The following MNAT1 variants were observed in gnomAD, a reference collection of about 807,000 sequenced individuals.
The protein encoded by MNAT1 is MNAT1 component of CDK activating kinase.
Under a neutral mutation model 42.0 loss-of-function variants are expected in MNAT1, and 43 were observed. The observed-to-expected ratio is 1.02, with a 90% confidence interval of 0.80 to 1.32. The LOEUF (loss-of-function observed/expected upper bound fraction) is 1.32, where lower values mean the gene tolerates loss of function less well. Ranked by LOEUF, MNAT1 falls within the 40% of genes most tolerant of loss-of-function variation. MNAT1 has a pLI of 0.00. For missense variants in MNAT1, 306 were observed against 350.4 expected (o/e 0.87, Z 1.01); for synonymous variants, 118 against 120.0 (o/e 0.98, Z 0.11).
rs565109707 is a variant in MNAT1, at chr14:60,783,224, T to C, written c.90-12993T>C. ...ATGAGATCTCCTGGTTCTGAAGCTG[T>C]GGGGTTTGGCTAGACCTGTAACATT... On this transcript the variant is annotated intron_variant, in intron 1 of 7. Coordinates refer to ENST00000261245, the MANE Select transcript of MNAT1 (RefSeq NM_002431.4). Among the ~76,000 whole-genome samples, 11 of 152,290 alleles carry C rather than the reference T, an allele frequency of 7.2e-5. 1 individual carries two copies. The highest frequency in any genetic ancestry group is 2.6e-4 in the African/African-American group (11 of 41,572).
At chr14:60,855,901 C>T (rs894698056) in intron 6 of MNAT1, among the ~76,000 whole-genome samples, 20 of 152,160 alleles carry the variant, frequency 1.3e-4, no homozygotes, top group African/African-American at 3.9e-4. Flanking sequence ...ATAAATGTTG[C>T]GTGTGTTCTA....
intron 7 of MNAT1, among the ~76,000 whole-genome samples, chr14:60,908,486 C>A (rs1029483313): frequency 6.6e-6 from 1 of 151,504 alleles, no homozygotes; most frequent in Admixed American, 6.6e-5. Flanking sequence ...CCCGACCCCA[C>A]AACAGGCCCC....
intron 1 of MNAT1, among the ~76,000 whole-genome samples, chr14:60,772,045 T>A (rs1480563994): frequency 6.6e-6 from 1 of 152,182 alleles, no homozygotes; most frequent in African/African-American, 2.4e-5. Context: ...GAACACTTGT[T>A]TAGATGAATT....
intron 1 of MNAT1, among the ~76,000 whole-genome samples, chr14:60,769,017 A>G (rs2030947356): frequency 6.6e-6 from 1 of 152,214 alleles, no homozygotes; most frequent in African/African-American, 2.4e-5. Flanking sequence ...AGTTTAATGA[A>G]TAATGAAAAC....
At chr14:60,750,701 T>C (rs1476950833) in intron 1 of MNAT1, among the ~76,000 whole-genome samples, 1 of 152,198 alleles carries the variant, frequency 6.6e-6, no homozygotes, top group Non-Finnish European at 1.5e-5. Flanking sequence ...CAGCCTGATT[T>C]TAGCTGTTCT....
chr14:60,790,204 A>G (rs1218762003), intron 1 of MNAT1, among the ~76,000 whole-genome samples: 5 of 152,116 alleles, frequency 3.3e-5, no homozygotes, highest in African/African-American at 1.2e-4. Flanking sequence ...GAGAAAGTGT[A>G]GAGTATGAAG....
At chr14:60,938,126 G>T (rs2036048807) in intron 7 of MNAT1, among the ~76,000 whole-genome samples, 1 of 152,112 alleles carries the variant, frequency 6.6e-6, no homozygotes, top group African/African-American at 2.4e-5. Flanking sequence ...GAGATTTTGG[G>T]CCAAGGCGAT....
At chr14:60,838,959 G>A (rs1352808619) in intron 6 of MNAT1, among the ~76,000 whole-genome samples, 2 of 152,148 alleles carry the variant, frequency 1.3e-5, no homozygotes, top group Non-Finnish European at 2.9e-5. Flanking sequence ...CTGGACTTTG[G>A]GGAATGAGGA....
intron 7 of MNAT1, among the ~76,000 whole-genome samples, chr14:60,923,619 A>G (rs1200470804): frequency 6.6e-6 from 1 of 152,130 alleles, no homozygotes; most frequent in Admixed American, 6.6e-5. Context: ...TGTTTTTATA[A>G]ATAGAATCTT....
intron 6 of MNAT1, among the ~76,000 whole-genome samples, chr14:60,821,515 G>GTA (rs1389514503): frequency 2.0e-5 from 3 of 152,142 alleles, no homozygotes; most frequent in Non-Finnish European, 4.4e-5. Context: ...AGATCCTGAA[G>GTA]TACTTTCAAG....
intron 1 of MNAT1, among the ~76,000 whole-genome samples, chr14:60,782,865 T>G (rs560835209): frequency 1.4e-4 from 21 of 152,216 alleles, no homozygotes; most frequent in Non-Finnish European, 2.5e-4. Flanking sequence ...TGCTCAGGAA[T>G]GAATTTACCA....
intron 1 of MNAT1, among the ~76,000 whole-genome samples, chr14:60,737,791 C>T (rs1566745559): frequency 1.3e-5 from 2 of 151,550 alleles, no homozygotes; most frequent in African/African-American, 4.9e-5. Context: ...ATCCTAGCTA[C>T]TTGGGAGGCT....
chr14:60,813,672 G>GCCAGTTTTTTTTTTTTGAAT (rs2032626790), intron 5 of MNAT1, among the ~76,000 whole-genome samples: 1 of 152,072 alleles, frequency 6.6e-6, no homozygotes, highest in African/African-American at 2.4e-5. Flanking sequence ...GGAAAACTAT[G>GCCAGTTTTTTTTTTTTGAAT]TTTTTCTAGA....
intron 7 of MNAT1, among the ~76,000 whole-genome samples, chr14:60,912,254 A>T (rs1396439149): frequency 6.6e-5 from 10 of 152,082 alleles, no homozygotes; most frequent in Non-Finnish European, 1.2e-4. Context: ...CAGCACACTG[A>T]TGGGTCTTGA....
chr14:60,754,651 A>G (rs1348049220), intron 1 of MNAT1, among the ~76,000 whole-genome samples: 1 of 152,130 alleles, frequency 6.6e-6, no homozygotes, highest in East Asian at 1.9e-4. Flanking sequence ...GCCTGGCAAT[A>G]GGGAGAAATT....
intron 1 of MNAT1, among the ~76,000 whole-genome samples, chr14:60,777,001 C>G (rs1421330550): frequency 6.6e-6 from 1 of 152,074 alleles, no homozygotes; most frequent in Non-Finnish European, 1.5e-5. Flanking sequence ...GTGCACACCA[C>G]CACTCCCGGC....
chr14:60,883,229 G>C (rs1297369329), intron 7 of MNAT1, among the ~76,000 whole-genome samples: 1 of 151,920 alleles, frequency 6.6e-6, no homozygotes, highest in Non-Finnish European at 1.5e-5. Context: ...AGATTTAAGT[G>C]TTTCATCCTG....
At chr14:60,846,097 T>C (rs1365560634) in intron 6 of MNAT1, among the ~76,000 whole-genome samples, 1 of 152,020 alleles carries the variant, frequency 6.6e-6, no homozygotes, top group Non-Finnish European at 1.5e-5. Context: ...CCCGTTTCTT[T>C]TTCCTTCCTC....
chr14:60,833,974 T>C (rs2139388153), intron 6 of MNAT1, among the ~76,000 whole-genome samples: 1 of 152,324 alleles, frequency 6.6e-6, no homozygotes, highest in East Asian at 1.9e-4. Flanking sequence ...GAGGTGTTAA[T>C]AGTGTTTTCT....
Sources: allele counts gnomAD v4.1 joint callset (sites outside exome capture counted in the v4.1 genomes callset), GRCh38; gene constraint gnomAD v4.1.1; transcripts MANE v1.5; gene names NCBI Gene and HGNC (gene_info 2026-07-23, HGNC 2026-07-21).